Variants in PDE1C observed in about 807,000 individuals in gnomAD.
PDE1C encodes the protein phosphodiesterase 1C.
PDE1C carries 62 observed loss-of-function variants against 93.1 expected under a neutral mutation model. That is an observed-to-expected ratio of 0.67 (90% CI 0.54 to 0.82). The LOEUF is 0.82. Among genes scored for constraint, PDE1C ranks in the 40% least tolerant of loss-of-function variants. The pLI is 0.00. For synonymous variants in PDE1C, 325 were observed against 310.1 expected, an observed-to-expected ratio of 1.05 and a Z score of -0.50; for missense variants, 742 against 884.6, an observed-to-expected ratio of 0.84 and a Z score of 2.04.
intron 7 of PDE1C, among the ~76,000 whole-genome samples, chr7:31,863,829 A>C (rs1298189861): frequency 6.6e-6 from 1 of 152,174 alleles, no homozygotes; most frequent in Non-Finnish European, 1.5e-5. Context: ...TCAGAGACTC[A>C]AGTAATTTAT....
At chr7:31,742,880 C>T in the PDE1C span, among the ~76,000 whole-genome samples, 1 of 152,184 alleles carries the variant, frequency 6.6e-6, no homozygotes, top group Non-Finnish European at 1.5e-5. Context: ...CCCTCTTCAC[C>T]TTCCCCACCC....
At chr7:32,159,853 G>C (rs1373579439) in intron 3 of PDE1C, among the ~76,000 whole-genome samples, 2 of 152,250 alleles carry the variant, frequency 1.3e-5, no homozygotes, top group East Asian at 3.9e-4. Context: ...CTGAGTTTTA[G>C]CTTTGCCAGG....
At chr7:31,663,400 A>AG in the PDE1C span, among the ~76,000 whole-genome samples, 2 of 152,206 alleles carry the variant, frequency 1.3e-5, no homozygotes, top group Middle Eastern at 3.2e-3. Flanking sequence ...TCTGCTTTCC[A>AG]GGGGCTCCTT....
chr7:31,819,160 A>T (rs1164148945), intron 14 of PDE1C, among the ~76,000 whole-genome samples: 1 of 152,150 alleles, frequency 6.6e-6, no homozygotes, highest in Non-Finnish European at 1.5e-5. Flanking sequence ...GTGGTCCTGC[A>T]GCTTTTCTAC....
At chr7:31,926,669 C>A (rs945605792) in intron 2 of PDE1C, among the ~76,000 whole-genome samples, 3 of 152,132 alleles carry the variant, frequency 2.0e-5, no homozygotes, top group East Asian at 3.9e-4. Context: ...CATCGCCTCA[C>A]CTGGGAAAGT....
At chr7:32,201,570 A>T (rs1805016186) in intron 2 of PDE1C, among the ~76,000 whole-genome samples, 1 of 152,192 alleles carries the variant, frequency 6.6e-6, no homozygotes, top group Non-Finnish European at 1.5e-5. Flanking sequence ...GTGTGAGCAG[A>T]TCCATCAAAG....
At position 31,969,469 on chromosome 7, in the gene PDE1C, G is replaced by A. The variant is rs1467793452; in HGVS notation, c.128+82085C>T. On this transcript the variant is annotated intron_variant, in intron 2 of 17. Coordinates refer to ENST00000396191, the MANE Select transcript of PDE1C (RefSeq NM_001191057.4). ...ACCATCACACACCAGTTAGAATGGT[G>A]ATCATTAAAAAGTCAGGAAACAACA... Among the ~76,000 whole-genome samples the A allele has an allele frequency of 2.6e-5, 4 of 152,214 alleles. No individual in the cohort carries two copies. In the East Asian group the frequency reaches 7.7e-4, roughly 29 times the overall value.
chr7:32,216,436 C>T (rs941982604), intron 1 of PDE1C, among the ~76,000 whole-genome samples: 10 of 152,168 alleles, frequency 6.6e-5, no homozygotes, highest in African/African-American at 2.2e-4. Context: ...AATGAAAAAG[C>T]TGCTATCTCC....
At chr7:31,705,611 A>G in the PDE1C span, among the ~76,000 whole-genome samples, 1 of 152,264 alleles carries the variant, frequency 6.6e-6, no homozygotes, top group African/African-American at 2.4e-5. Context: ...ATGAATAGTC[A>G]TTAAGATCAA....
intron 2 of PDE1C, among the ~76,000 whole-genome samples, chr7:32,020,899 G>A (rs2128612018): frequency 6.6e-6 from 1 of 152,230 alleles, no homozygotes; most frequent in South Asian, 2.1e-4. Context: ...CCTCAGTCTG[G>A]TAACACTCTT....
chr7:31,902,788 G>T (rs530977455), intron 2 of PDE1C, among the ~76,000 whole-genome samples: 2 of 150,672 alleles, frequency 1.3e-5, no homozygotes, highest in Non-Finnish European at 3.0e-5. Context: ...GTAATATATA[G>T]TATAATTATA....
chr7:32,103,270 C>T (rs560399569), intron 3 of PDE1C, among the ~76,000 whole-genome samples: 4 of 152,178 alleles, frequency 2.6e-5, no homozygotes, highest in South Asian at 4.2e-4. Context: ...GAAGAGAATG[C>T]TATAATCTAA....
At chr7:31,825,114 T>C (rs1789493099) in intron 12 of PDE1C, 127 bp from the exon 13 acceptor site, 4 of 1,170,260 alleles carry the variant, frequency 3.4e-6, no homozygotes, top group Non-Finnish European at 2.4e-6. Context: ...TTATGTACTG[T>C]ATGTATTCCT....
chr7:31,713,398 G>A, the PDE1C span, among the ~76,000 whole-genome samples: 1 of 152,246 alleles, frequency 6.6e-6, no homozygotes, highest in African/African-American at 2.4e-5. Flanking sequence ...TCTGCCCTGT[G>A]GCTTTGCAGG....
chr7:32,060,597 T>C (rs192634472), intron 1 of PDE1C, among the ~76,000 whole-genome samples: 66 of 152,344 alleles, frequency 4.3e-4, no homozygotes, highest in Admixed American at 2.7e-3. Flanking sequence ...CATTTTGAGC[T>C]CTTCTGTCAA....
At chr7:31,979,005 T>C (rs1243239398) in intron 2 of PDE1C, among the ~76,000 whole-genome samples, 1 of 152,166 alleles carries the variant, frequency 6.6e-6, no homozygotes, top group African/African-American at 2.4e-5. Context: ...TAGGACTAGA[T>C]GACAAACACT....
At chr7:32,242,982 T>C (rs1046188040) in intron 1 of PDE1C, among the ~76,000 whole-genome samples, 3 of 152,080 alleles carry the variant, frequency 2.0e-5, no homozygotes, top group Non-Finnish European at 2.9e-5. Flanking sequence ...GATTCAAGGA[T>C]ACAAGAGATA....
the PDE1C span, among the ~76,000 whole-genome samples, chr7:31,641,892 T>C: frequency 6.6e-6 from 1 of 152,236 alleles, no homozygotes; most frequent in African/African-American, 2.4e-5. Flanking sequence ...TTAGTAAAGA[T>C]TCATCTCACA....
In PDE1C at chr7:32,051,701, A is replaced by T. The variant is rs78021925; in HGVS notation, c.102-121T>A. On this transcript the variant is annotated intron_variant, in intron 1 of 17. Transcript: ENST00000396191. ...CACTTCTTAGGGGGGTTTCTCTGTG[A>T]AGCTTATGGGTTTCAAAGCTTAGTT... 4.9e-3 allele frequency: 3,842 copies of T among 780,622 alleles called. 138 individuals are homozygous for T. The African/African-American group carries it at 0.058, about 12-fold the overall frequency. The allele number at this position is 780,622 out of a possible 1,614,324, so 48.4% of individuals were successfully genotyped here.
Sources: allele counts gnomAD v4.1 joint callset (sites outside exome capture counted in the v4.1 genomes callset), GRCh38; gene constraint gnomAD v4.1.1; transcripts MANE v1.5; gene names NCBI Gene and HGNC (gene_info 2026-07-23, HGNC 2026-07-21).